NOL8: variants seen among roughly 807,000 people sequenced by gnomAD.
NOL8 encodes the protein nucleolar protein 8, also known as nucleolar protein Nop132.
Under a neutral mutation model 116.1 loss-of-function variants are expected in NOL8, and 93 were observed. That is an observed-to-expected ratio of 0.80 (90% confidence interval 0.68 to 0.95). The LOEUF is 0.95. Ranked by LOEUF, NOL8 falls within the 40% of genes least tolerant of loss-of-function variation. The pLI is 0.00. For synonymous variants in NOL8, 419 were observed against 469.0 expected (o/e 0.89, Z 1.38); for missense variants, 1,291 against 1,382.8 (o/e 0.93, Z 1.05).
chr9:92,310,604 G>A lies in NOL8; in HGVS notation c.2544C>T (p.Asp848=), dbSNP rs560225902. The A allele has an allele frequency of 6.2e-7, 1 of 1,612,988 alleles. No individual in the cohort carries two copies. The highest frequency in any genetic ancestry group is 2.2e-5 in the East Asian group (1 of 44,848). The change falls in exon 9 of 17, where the codon GAC becomes GAT. Residue 848 remains aspartate (D), a synonymous_variant. Transcript: ENST00000442668. ...SDDDESDSED[D]SNRFKIKPQF... ...GAGGTTTAATTTTGAACCTATTACT[G>A]TCATCTTCAGAATCAGATTCGTCAT... is the stretch of plus-strand genomic sequence containing the variant.
intron 7 of NOL8, among the ~76,000 whole-genome samples, chr9:92,312,731 G>T (rs1838934473): frequency 6.7e-6 from 1 of 150,018 alleles, no homozygotes. Flanking sequence ...GGAGGCTGAG[G>T]CAGGAGAATT....
In NOL8 at chr9:92,305,795, T is replaced by C. The variant is rs1261572755; in HGVS notation, c.2861A>G (p.His954Arg). The change falls in exon 12 of 17, where the codon CAT becomes CGT. Residue 954 changes from histidine to arginine, a missense_variant. His to Arg is a conservative substitution (Grantham distance 29, BLOSUM62 0). Transcript: ENST00000442668. ...IIHYDPTKQD[H>R]ATYERKRDDK... ...ATCTCTTTTTCTTTCGTAAGTGGCA[T>C]GGTCTTGCTTCGTTGGATCATAATG... 1 of 1,612,934 alleles carries C rather than the reference T, an allele frequency of 6.2e-7. No homozygotes were observed. Among genetic ancestry groups the C allele is most frequent in the Non-Finnish European group, 8.5e-7 (1 of 1,179,098 alleles).
intron 13 of NOL8, 100 bp downstream of exon 13, chr9:92,301,451 C>T: frequency 1.1e-6 from 1 of 907,516 alleles, no homozygotes; most frequent in South Asian, 1.9e-5. Context: ...AGAAAGAGTC[C>T]TTTCTTCAGC....
At chr9:92,299,814 TA>T in intron 14 of NOL8, 75 bp downstream of exon 14, 6 of 1,482,058 alleles carry the variant, frequency 4.0e-6, no homozygotes, top group Non-Finnish European at 5.5e-6. Flanking sequence ...GAAGAGAAGC[TA>T]AAATATTTCT....
intron 11 of NOL8, among the ~76,000 whole-genome samples, chr9:92,306,148 C>G (rs1205841469): frequency 1.3e-5 from 2 of 152,126 alleles, no homozygotes; most frequent in Non-Finnish European, 2.9e-5. Context: ...CATGTGCCAC[C>G]ATGCCCGGCT....
At chr9:92,298,502 TATA>T (rs145927690) in intron 15 of NOL8, 166 bp from the exon 16 acceptor site, 305 of 566,360 alleles carry the variant, frequency 5.4e-4, no homozygotes, top group African/African-American at 4.6e-3. Flanking sequence ...AAATGAAAAA[TATA>T]ATATTGCTTT....
At chr9:92,300,511 C>T (rs55881911) in intron 13 of NOL8, 1 of 990,744 alleles carries the variant, frequency 1.0e-6, no homozygotes, top group Non-Finnish European at 1.2e-6. Context: ...CCTCACAAGT[C>T]TTCAAAATTT....
At position 92,315,171 on chromosome 9, in the gene NOL8, T is replaced by A; in HGVS notation, c.1454A>T (p.Asn485Ile). Residue 485 changes from asparagine to isoleucine, a missense_variant, in exon 7 of 17, where the codon AAT becomes ATT. Physicochemically the swap from Asn to Ile is moderately radical, Grantham distance 149. Transcript: ENST00000442668. ...TTGTTCCAAATCAGCTAAAGTGAGA[T>A]TCACACGAAGGCAGTTTTTCATCAT... ...NAMMKNCLRVNLTLADLEQLA... is the reference protein window; with the variant it reads ...NAMMKNCLRVILTLADLEQLA... 4.3e-6 allele frequency: 7 copies of A among 1,613,992 alleles called. No homozygotes were observed. The highest frequency in any genetic ancestry group is 5.9e-6 in the Non-Finnish European group (7 of 1,179,898).
intron 10 of NOL8, among the ~76,000 whole-genome samples, chr9:92,308,674 TAAAG>T (rs1838496359): frequency 6.6e-6 from 1 of 152,082 alleles, no homozygotes; most frequent in South Asian, 2.1e-4. Flanking sequence ...AAATTAGGAA[TAAAG>T]AGTTAAGAAA....
intron 13 of NOL8, 49 bp downstream of exon 13, chr9:92,301,498 CAATT>C: frequency 7.4e-7 from 1 of 1,343,560 alleles, no homozygotes; most frequent in Non-Finnish European, 1.0e-6. Flanking sequence ...CAGATTCAAT[CAATT>C]AAGTTCAAAC....
chr9:92,298,986 AT>A, intron 14 of NOL8, 32 bp from the exon 15 acceptor site: 1 of 1,264,610 alleles, frequency 7.9e-7, no homozygotes, highest in Non-Finnish European at 1.1e-6. Flanking sequence ...AGAGAGAAAA[AT>A]AGGTATTGGT....
intron 13 of NOL8, chr9:92,300,745 TGG>T: frequency 1.7e-6 from 2 of 1,191,116 alleles, no homozygotes; most frequent in Non-Finnish European, 2.1e-6. Context: ...ACCACGGAGT[TGG>T]TATTATCTGC....
At chr9:92,311,290 A>T (rs1356703886) in intron 7 of NOL8, 31 bp from the exon 8 acceptor site, 2 of 1,535,730 alleles carry the variant, frequency 1.3e-6, no homozygotes. Context: ...ATTGCATCTT[A>T]AAAAGATTTA....
At chr9:92,322,666 A>AGG (rs1383315269) in intron 3 of NOL8, among the ~76,000 whole-genome samples, 8 of 152,232 alleles carry the variant, frequency 5.3e-5, no homozygotes, top group African/African-American at 1.9e-4. Context: ...AAATATTATG[A>AGG]GGCAAGCACT....
At chr9:92,311,319 C>T in intron 7 of NOL8, 60 bp from the exon 8 acceptor site, 2 of 1,273,772 alleles carry the variant, frequency 1.6e-6, no homozygotes, top group Non-Finnish European at 2.2e-6. Context: ...ACTCCAAAAG[C>T]AATTGCAACA....
At chr9:92,298,688 A>C (rs1006110718) in intron 15 of NOL8, 196 bp downstream of exon 15, 2 of 474,466 alleles carry the variant, frequency 4.2e-6, no homozygotes, top group South Asian at 8.6e-5. Flanking sequence ...TTTGTTGATG[A>C]GAATGAGCGG....
intron 3 of NOL8, among the ~76,000 whole-genome samples, chr9:92,322,481 C>A (rs1241152827): frequency 6.6e-6 from 1 of 152,118 alleles, no homozygotes; most frequent in Admixed American, 6.5e-5. Flanking sequence ...CTCAGCCTCC[C>A]AAGTAGCTGG....
chr9:92,310,422 G>T, intron 9 of NOL8, 131 bp downstream of exon 9: 3 of 1,198,328 alleles, frequency 2.5e-6, no homozygotes, highest in Non-Finnish European at 3.6e-6. Context: ...GATCACAGAA[G>T]ACTCACTCTC....
intron 10 of NOL8, among the ~76,000 whole-genome samples, chr9:92,307,782 C>T (rs1367637940): frequency 6.6e-6 from 1 of 152,120 alleles, no homozygotes; most frequent in Admixed American, 6.5e-5. Flanking sequence ...TAGTGTTTAA[C>T]TGAATCAAAA....
Sources: allele counts gnomAD v4.1 joint callset (sites outside exome capture counted in the v4.1 genomes callset), GRCh38; gene constraint gnomAD v4.1.1; transcripts MANE v1.5; gene names NCBI Gene and HGNC (gene_info 2026-07-23, HGNC 2026-07-21).